ACTN2: variants seen among roughly 807,000 people sequenced by gnomAD.
The protein encoded by ACTN2 is actinin alpha 2.
Under a neutral mutation model 113.8 loss-of-function variants are expected in ACTN2, and 39 were observed. That is an observed-to-expected ratio of 0.34 (90% CI 0.27 to 0.45). The LOEUF is 0.45. ACTN2 is among the 20% of genes least tolerant of loss of function. The pLI is 1.00. For synonymous variants in ACTN2, 429 were observed against 444.1 expected (o/e 0.97, Z 0.43); for missense variants, 992 against 1,177.9 (o/e 0.84, Z 2.31).
intron 18 of ACTN2, among the ~76,000 whole-genome samples, chr1:236,759,507 T>C (rs1451828447): frequency 6.6e-6 from 1 of 152,232 alleles, no homozygotes; most frequent in African/African-American, 2.4e-5. Context: ...TTCGTTTTTG[T>C]CTGGTCTTTA....
At chr1:236,713,397 T>C (rs948420968) in intron 1 of ACTN2, among the ~76,000 whole-genome samples, 1 of 152,154 alleles carries the variant, frequency 6.6e-6, no homozygotes, top group African/African-American at 2.4e-5. Flanking sequence ...ACAACTAGTC[T>C]TGTATTTTTT....
At chr1:236,737,548 GT>G (rs59220764) in intron 9 of ACTN2, among the ~76,000 whole-genome samples, 11 of 143,190 alleles carry the variant, frequency 7.7e-5, no homozygotes, top group East Asian at 6.2e-4. Context: ...TGGGTTACTT[GT>G]TTTTTTTTTT....
chr1:236,694,411 C>T (rs951084756), intron 1 of ACTN2, among the ~76,000 whole-genome samples: 5 of 151,496 alleles, frequency 3.3e-5, no homozygotes, highest in South Asian at 2.1e-4. Flanking sequence ...TTAGTAGAGA[C>T]GGGGTTTCTC....
rs727502886 is a variant in ACTN2, at chr1:236,719,007, G to A, written c.355G>A (p.Ala119Thr). ...SKGVKLVSIG[A>T]EEIVDGNVKM... ...AGGGGTGAAACTGGTGTCCATTGGC[G>A]CTGAAGGTGAGAGGTGTGGTGGGTG... Residue 119 changes from alanine to threonine, a missense_variant, in exon 3 of 21, where the codon GCT becomes ACT. By Grantham distance (58) the Ala-to-Thr change is moderately conservative. Coordinates refer to ENST00000366578, the MANE Select transcript of ACTN2 (RefSeq NM_001103.4). The A allele has an allele frequency of 1.2e-6, 2 of 1,614,020 alleles. No homozygotes were observed. Among genetic ancestry groups the A allele is most frequent in the Non-Finnish European group, 8.5e-7 (1 of 1,179,986 alleles).
intron 15 of ACTN2, 96 bp from the exon 16 acceptor site, chr1:236,753,851 T>TCCCCCCCCC: frequency 1.0e-6 from 1 of 966,968 alleles, no homozygotes; most frequent in Non-Finnish European, 1.5e-6. Context: ...CCTTCTCCAC[T>TCCCCCCCCC]CCCACCCCCA....
intron 15 of ACTN2, among the ~76,000 whole-genome samples, chr1:236,752,153 A>C (rs1350536446): frequency 6.6e-6 from 1 of 152,212 alleles, no homozygotes; most frequent in Non-Finnish European, 1.5e-5. Context: ...CGACAAATGT[A>C]ATTATGGTCC....
intron 9 of ACTN2, among the ~76,000 whole-genome samples, chr1:236,737,748 A>G (rs1162451829): frequency 2.6e-5 from 4 of 152,144 alleles, no homozygotes; most frequent in Non-Finnish European, 4.4e-5. Context: ...ATATTTGAGC[A>G]TGAGTTTCTG....
intron 1 of ACTN2, among the ~76,000 whole-genome samples, chr1:236,704,679 G>A (rs1657772304): frequency 6.6e-6 from 1 of 152,144 alleles, no homozygotes; most frequent in Admixed American, 6.6e-5. Flanking sequence ...GGTGAGGTAT[G>A]GGGGAAAGGG....
In ACTN2 at chr1:236,725,718, T is replaced by G. The variant is rs546818472; in HGVS notation, c.449-215T>G. 2.0e-5 allele frequency among the ~76,000 whole-genome samples: 3 copies of G among 152,316 alleles called. No individual in the cohort carries two copies. The East Asian group carries it at 5.8e-4, about 29-fold the overall frequency. On this transcript the variant is annotated intron_variant, in intron 4 of 20. Transcript: ENST00000366578. ...TTTAGTGTCTTTTTATGTTGGAGCTTGTGGCTGCTCCTGCATTGTCCTTTT... is the reference window on the plus strand; with the variant it reads ...TTTAGTGTCTTTTTATGTTGGAGCTGGTGGCTGCTCCTGCATTGTCCTTTT...
intron 18 of ACTN2, among the ~76,000 whole-genome samples, chr1:236,758,941 C>A (rs184689898): frequency 2.0e-5 from 3 of 152,248 alleles, no homozygotes; most frequent in Non-Finnish European, 2.9e-5. Flanking sequence ...TCTTAAAGAT[C>A]ACTAAAAGGG....
intron 9 of ACTN2, 101 bp from the exon 10 acceptor site, chr1:236,739,201 C>A: frequency 8.2e-7 from 1 of 1,215,014 alleles, no homozygotes; most frequent in Non-Finnish European, 1.2e-6. Context: ...ATTTTAGGAA[C>A]ATTCATCCTT....
chr1:236,762,379 G>A lies in ACTN2; in HGVS notation c.2527-82G>A, dbSNP rs1212192173. 3.3e-5 allele frequency: 51 copies of A among 1,565,254 alleles called. No homozygotes were observed. The South Asian group carries it at 5.1e-4, about 16-fold the overall frequency. On this transcript the variant is annotated intron_variant, in intron 20 of 20. Coordinates refer to ENST00000366578, the MANE Select transcript of ACTN2 (RefSeq NM_001103.4). ...AGTCCTTTTAAAAAATTAAACAGAT[G>A]CAAGAAATATGTAAGTATTAAGACT...
rs1051251 is a variant in ACTN2 at position 236,762,730 on chromosome 1, A to C, written c.*111A>C. The C allele has an allele frequency of 8.4e-7, 1 of 1,194,916 alleles. No individual in the cohort carries two copies. The highest frequency in any genetic ancestry group is 1.6e-5 in the African/African-American group (1 of 61,192). The allele number at this position is 1,194,916 out of a possible 1,614,324, so 74.0% of individuals were successfully genotyped here. A position where few individuals can be genotyped will look rare whatever the true frequency, so the allele number is the denominator to read the frequency against. ...TATTAAGTTGAGAGAGAGAGAGGGG[A>C]AAAAAAAAAGCCTTTCGTAGTTCAG... is the stretch of plus-strand genomic sequence containing the variant. On this transcript the variant is annotated 3_prime_UTR_variant, in exon 21 of 21. Coordinates refer to ENST00000366578, the MANE Select transcript of ACTN2 (RefSeq NM_001103.4).
rs115677271 is a variant in ACTN2, at chr1:236,749,790, G to C, written c.1656+526G>C. ...GACTCCATCCTGGGTAACAGAGTGA[G>C]ACCCTGTCTCAACAACAACAACAAC... On this transcript the variant is annotated intron_variant, in intron 14 of 20. Coordinates refer to ENST00000366578, the MANE Select transcript of ACTN2 (RefSeq NM_001103.4). Among the ~76,000 whole-genome samples, 287 of 152,220 alleles carry C rather than the reference G, an allele frequency of 1.9e-3. 2 individuals carry two copies. Among genetic ancestry groups the C allele is most frequent in the African/African-American group, 6.5e-3 (271 of 41,518 alleles).
intron 4 of ACTN2, 125 bp downstream of exon 4, chr1:236,720,316 G>A (rs1205204242): frequency 3.8e-6 from 3 of 796,038 alleles, no homozygotes; most frequent in Non-Finnish European, 6.4e-6. Flanking sequence ...ATGTAAGTGG[G>A]TTCTTATAAA....
rs953526524 is a variant in ACTN2, at chr1:236,736,930, C to T, written c.784-192C>T. On this transcript the variant is annotated intron_variant, in intron 8 of 20. Transcript: ENST00000366578. ...CCTGCCGTGTAAGTCTGTGTGAAAA[C>T]TGTAACAAAGGTGTGAAATGATTCA... is the stretch of plus-strand genomic sequence containing the variant. 26 of 630,900 alleles carry T rather than the reference C, an allele frequency of 4.1e-5. No homozygotes were observed. The African/African-American group carries it at 4.7e-4, about 11-fold the overall frequency. 39.1% of individuals were successfully genotyped at this position (630,900 alleles called of 1,614,324 possible). A position where few individuals can be genotyped will look rare whatever the true frequency, so the allele number is the denominator to read the frequency against.
At position 236,729,951 on chromosome 1, in the gene ACTN2, C is replaced by T. The variant is rs184362740; in HGVS notation, c.616-1282C>T. Among the ~76,000 whole-genome samples the T allele has an allele frequency of 2.6e-5, 4 of 152,290 alleles. No individual in the cohort carries two copies. In the East Asian group the frequency reaches 7.7e-4, roughly 29 times the overall value. On this transcript the variant is annotated intron_variant, in intron 6 of 20. Coordinates refer to ENST00000366578, the MANE Select transcript of ACTN2 (RefSeq NM_001103.4). Reference sequence around the variant, plus strand: ...ACAATAGCAAGTAATACTTATATAGCACCAGGGCAGGCACTGTTATAAACA... The same window carrying T: ...ACAATAGCAAGTAATACTTATATAGTACCAGGGCAGGCACTGTTATAAACA...
Position 236,758,963 on chromosome 1 carries a change from C to G in ACTN2, c.2302-761C>G, listed in dbSNP as rs962967400. On this transcript the variant is annotated intron_variant, in intron 18 of 20. Coordinates refer to ENST00000366578, the MANE Select transcript of ACTN2 (RefSeq NM_001103.4). ...GATCACTAAAAGGGATGTACCATTA[C>G]TTTGCATGGAGCCCTGTTATGATTT... is the stretch of plus-strand genomic sequence containing the variant. Among the ~76,000 whole-genome samples the G allele has an allele frequency of 2.0e-5, 3 of 152,220 alleles. No individual in the cohort carries two copies. The East Asian group carries it at 5.8e-4, about 29-fold the overall frequency.
At chr1:236,736,419 G>A in intron 8 of ACTN2, 1 of 600,218 alleles carries the variant, frequency 1.7e-6, no homozygotes, top group East Asian at 2.8e-5. Context: ...ACAGGCTGCG[G>A]GCCCAGAAGC....
Sources: allele counts gnomAD v4.1 joint callset (sites outside exome capture counted in the v4.1 genomes callset), GRCh38; gene constraint gnomAD v4.1.1; transcripts MANE v1.5; gene names NCBI Gene and HGNC (gene_info 2026-07-23, HGNC 2026-07-21).